The following PDILT variants were observed in gnomAD, a reference collection of about 807,000 sequenced individuals.
The protein encoded by PDILT is protein disulfide-isomerase-like protein of the testis.
Under a neutral mutation model 53.7 loss-of-function variants are expected in PDILT, and 43 were observed. That is an observed-to-expected ratio of 0.80 (90% CI 0.63 to 1.03). The LOEUF (loss-of-function observed/expected upper bound fraction) is 1.03, where lower values mean the gene tolerates loss of function less well. Among genes scored for constraint, PDILT ranks in the 50% least tolerant of loss-of-function variants. The pLI is 0.00. For missense variants in PDILT, 727 were observed against 712.3 expected (o/e 1.02, Z -0.24); for synonymous variants, 282 against 274.2 (o/e 1.03, Z -0.28).
intron 2 of PDILT, among the ~76,000 whole-genome samples, chr16:20,395,644 A>G (rs1966653109): frequency 6.6e-6 from 1 of 152,102 alleles, no homozygotes; most frequent in Non-Finnish European, 1.5e-5. Context: ...GTCATGTTGA[A>G]ATTTGTTCCC....
intron 2 of PDILT, among the ~76,000 whole-genome samples, chr16:20,394,759 C>T (rs532255123): frequency 3.9e-5 from 6 of 152,336 alleles, no homozygotes; most frequent in Non-Finnish European, 5.9e-5. Flanking sequence ...GGCACATCCT[C>T]GTCTCCCTCC....
intron 2 of PDILT, 55 bp downstream of exon 2, chr16:20,399,044 A>C: frequency 2.5e-6 from 4 of 1,593,888 alleles, no homozygotes; most frequent in South Asian, 2.2e-5. Context: ...CCCCACACAC[A>C]AGGAGGCAGG....
At chr16:20,378,021 G>C (rs1178187797) in intron 3 of PDILT, among the ~76,000 whole-genome samples, 3 of 151,986 alleles carry the variant, frequency 2.0e-5, no homozygotes, top group Non-Finnish European at 4.4e-5. Context: ...ATTAAGGAGA[G>C]GGAAAGTCTT....
At chr16:20,387,018 T>C (rs1305037030) in intron 2 of PDILT, among the ~76,000 whole-genome samples, 2 of 152,158 alleles carry the variant, frequency 1.3e-5, no homozygotes, top group African/African-American at 2.4e-5. Flanking sequence ...GAGAGCTAGA[T>C]TGATGGGGCC....
chr16:20,396,887 G>C (rs1170204808), intron 2 of PDILT, among the ~76,000 whole-genome samples: 2 of 123,320 alleles, frequency 1.6e-5, no homozygotes, highest in African/African-American at 2.7e-5. Context: ...AATGGTGATA[G>C]CTTCTGCCTG....
intron 2 of PDILT, chr16:20,386,089 C>T (rs1457062393): frequency 6.6e-6 from 1 of 152,138 alleles, no homozygotes; most frequent in Admixed American, 6.5e-5. Flanking sequence ...CCTCTTGTCT[C>T]GAAGAGACCT....
intron 4 of PDILT, among the ~76,000 whole-genome samples, chr16:20,375,175 CAG>C (rs1274633609): frequency 1.3e-5 from 2 of 152,204 alleles, no homozygotes; most frequent in East Asian, 3.8e-4. Flanking sequence ...CAGAGATCAA[CAG>C]AGAGAAATGA....
At chr16:20,368,652 A>C (rs1387094961) in intron 8 of PDILT, among the ~76,000 whole-genome samples, 1 of 152,080 alleles carries the variant, frequency 6.6e-6, no homozygotes, top group East Asian at 1.9e-4. Context: ...GCTGGAGTGC[A>C]GTGGTGTGAT....
At chr16:20,360,996 G>A (rs1016921364) in intron 10 of PDILT, among the ~76,000 whole-genome samples, 10 of 152,110 alleles carry the variant, frequency 6.6e-5, no homozygotes, top group African/African-American at 2.4e-4. Flanking sequence ...TACCTACCTC[G>A]TAGGGTTGTT....
At chr16:20,366,347 T>C (rs1033910572) in intron 8 of PDILT, among the ~76,000 whole-genome samples, 1 of 152,124 alleles carries the variant, frequency 6.6e-6, no homozygotes, top group African/African-American at 2.4e-5. Flanking sequence ...CTCTCCCTTC[T>C]TCATCTGGGT....
Position 20,400,068 on chromosome 16 carries a change from A to ATTTT in PDILT, c.-7-762_-7-761insAAAA, listed in dbSNP as rs1432653493. Among the ~76,000 whole-genome samples the ATTTT allele has an allele frequency of 4.6e-5, 5 of 109,570 alleles. 1 individual carries two copies. Among genetic ancestry groups the ATTTT allele is most frequent in the African/African-American group, 1.3e-4 (4 of 30,632 alleles). The allele number at this position is 109,570 out of a possible 152,430, so 71.9% of individuals were successfully genotyped here. A position where few individuals can be genotyped will look rare whatever the true frequency, so the allele number is the denominator to read the frequency against. The stretch of plus-strand genomic sequence containing the variant: ...TATCTATCTATCTATATATATATAT[A>ATTTT]TATATTTTTTGAGACGGAGTTTTGC... On this transcript the variant is annotated intron_variant, in intron 1 of 11. Coordinates refer to ENST00000302451, the MANE Select transcript of PDILT (RefSeq NM_174924.2).
intron 7 of PDILT, among the ~76,000 whole-genome samples, chr16:20,369,952 T>C (rs1966279609): frequency 6.6e-6 from 1 of 152,210 alleles, no homozygotes; most frequent in Admixed American, 6.5e-5. Context: ...TTCAAACTGT[T>C]TCATCAGTTT....
Position 20,360,637 on chromosome 16 carries a change from T to C in PDILT, c.1437A>G (p.Glu479=), listed in dbSNP as rs1217092258. The C allele has an allele frequency of 6.2e-7, 1 of 1,613,732 alleles. No homozygotes were observed. The highest frequency in any genetic ancestry group is 1.7e-5 in the Admixed American group (1 of 60,026). The change falls in exon 11 of 12, where the codon GAA becomes GAG. Residue 479 remains glutamate (E), a synonymous_variant. Coordinates refer to ENST00000302451, the MANE Select transcript of PDILT (RefSeq NM_174924.2). ...AGTCAGAGAAGCCCTTCAGGGTGTGTTCTCCCTTATACAGGACAGCCTAGG... is the reference window on the plus strand; with the variant it reads ...AGTCAGAGAAGCCCTTCAGGGTGTGCTCTCCCTTATACAGGACAGCCTAGG... ...GSQQAVLYKG[E]HTLKGFSDFL... is the part of the protein sequence containing the mutation.
At chr16:20,374,742 C>G in intron 5 of PDILT, 80 bp downstream of exon 5, 1 of 1,484,594 alleles carries the variant, frequency 6.7e-7, no homozygotes, top group Non-Finnish European at 9.1e-7. Flanking sequence ...GTGGCAGAAC[C>G]AGAATTTGTA....
chr16:20,372,814 T>C lies in PDILT; in HGVS notation c.906A>G (p.Glu302=). ...IIQHYKLASK[E]FQNKILFILV... is the part of the protein sequence containing the mutation. ...GCACTCTACAAACCTTGTTTTGGAA[T>C]TCCTTTGATGCCAGCTTATAATGCT... is the stretch of plus-strand genomic sequence containing the variant. Residue 302 remains glutamate (E), a synonymous_variant, in exon 7 of 12, where the codon GAA becomes GAG. Transcript: ENST00000302451. 1.2e-6 allele frequency: 2 copies of C among 1,614,024 alleles called. No homozygotes were observed. The highest frequency in any genetic ancestry group is 1.7e-6 in the Non-Finnish European group (2 of 1,179,908).
intron 2 of PDILT, among the ~76,000 whole-genome samples, chr16:20,397,325 A>G (rs1364043298): frequency 6.6e-6 from 1 of 152,032 alleles, no homozygotes. Context: ...TCTTTTTGGT[A>G]AAGATGGGGT....
intron 3 of PDILT, 44 bp downstream of exon 3, chr16:20,384,601 C>T (rs199928371): frequency 4.5e-5 from 73 of 1,611,218 alleles, no homozygotes; most frequent in Middle Eastern, 3.8e-4. Flanking sequence ...GTTAAGTGGA[C>T]TTTCCATGAG....
chr16:20,374,723 A>G, intron 5 of PDILT, 99 bp downstream of exon 5: 1 of 1,335,882 alleles, frequency 7.5e-7, no homozygotes, highest in Non-Finnish European at 1.0e-6. Context: ...AATGCCACTG[A>G]GTTCACAAGT....
intron 11 of PDILT, 65 bp from the exon 12 acceptor site, chr16:20,359,632 C>T: frequency 1.4e-6 from 2 of 1,466,732 alleles, no homozygotes; most frequent in Non-Finnish European, 1.9e-6. Context: ...AATAAAGAGG[C>T]AAGAAATATG....
Sources: gnomAD v4.1 joint callset for allele counts (sites outside exome capture counted in the v4.1 genomes callset) on GRCh38, gnomAD v4.1.1 for gene constraint, MANE v1.5 for transcripts, NCBI Gene and HGNC (gene_info 2026-07-23, HGNC 2026-07-21) for gene names.